RORA: variants seen among roughly 807,000 people sequenced by gnomAD.
RORA encodes the protein RAR related orphan receptor A, also known as nuclear receptor ROR-alpha.
In RORA, 7 loss-of-function variants were observed where a neutral mutation model predicts 69.5. That is an observed-to-expected ratio of 0.10 (90% CI 0.06 to 0.19). RORA has a LOEUF of 0.19. Ranked by LOEUF, RORA falls within the 10% of genes least tolerant of loss-of-function variation. The pLI is 1.00. For synonymous variants in RORA, 261 were observed against 240.8 expected, an observed-to-expected ratio of 1.08 and a Z score of -0.78; for missense variants, 457 against 663.0, an observed-to-expected ratio of 0.69 and a Z score of 3.41.
chr15:61,163,211 T>C (rs962072167), intron 1 of RORA, among the ~76,000 whole-genome samples: 6 of 152,166 alleles, frequency 3.9e-5, no homozygotes, highest in Non-Finnish European at 7.4e-5. Context: ...TACTTTAGTA[T>C]CAATATGCCA....
At chr15:60,837,362 G>C (rs181052055) in intron 1 of RORA, among the ~76,000 whole-genome samples, 2 of 152,350 alleles carry the variant, frequency 1.3e-5, no homozygotes, top group Admixed American at 6.5e-5. Flanking sequence ...GATGTGAAAT[G>C]AAGCTTGGCG....
Position 61,060,905 on chromosome 15 carries a change from G to A in RORA, c.166+168148C>T, listed in dbSNP as rs570287438. On this transcript the variant is annotated intron_variant, in intron 1 of 10. Coordinates refer to ENST00000335670, the MANE Select transcript of RORA (RefSeq NM_134261.3). ...AGTTTACGAATTTGCACTGGGCCAC[G>A]TTCAAAGCCATCCTGGGCAGCGTGC... Among the ~76,000 whole-genome samples the A allele has an allele frequency of 9.1e-4, 139 of 152,290 alleles. 1 individual carries two copies. Among genetic ancestry groups the A allele is most frequent in the Non-Finnish European group, 1.6e-3 (110 of 68,012 alleles).
rs556312196 is a variant in RORA, at chr15:61,217,203, G to A, written c.166+11850C>T. Among the ~76,000 whole-genome samples the A allele has an allele frequency of 6.6e-5, 10 of 152,282 alleles. No individual in the cohort carries two copies. In the South Asian group the frequency reaches 1.7e-3, roughly 25 times the overall value. ...GGGCACCTATTTTATGCAAGGTATC[G>A]TGCATGGAGTAAAAACATAAACTGT... On this transcript the variant is annotated intron_variant, in intron 1 of 10. Coordinates refer to ENST00000335670, the MANE Select transcript of RORA (RefSeq NM_134261.3).
chr15:61,219,356 C>T (rs1174605603), intron 1 of RORA, among the ~76,000 whole-genome samples: 1 of 152,116 alleles, frequency 6.6e-6, no homozygotes, highest in Non-Finnish European at 1.5e-5. Flanking sequence ...GGGAGGATCA[C>T]GAGGTCAGGA....
intron 1 of RORA, among the ~76,000 whole-genome samples, chr15:60,939,630 T>A (rs749663616): frequency 3.3e-5 from 5 of 152,318 alleles, no homozygotes; most frequent in Admixed American, 6.5e-5. Context: ...CAGTCACCAC[T>A]CCCCTTCACA....
At position 61,128,925 on chromosome 15, in the gene RORA, T is replaced by G. The variant is rs1332144814; in HGVS notation, c.166+100128A>C. Reference sequence around the variant, plus strand: ...AAGAGACACTGGCCGTGGCACCACGTGCCTGCCTTGGGCCCACTCCCTTCT... The same window carrying G: ...AAGAGACACTGGCCGTGGCACCACGGGCCTGCCTTGGGCCCACTCCCTTCT... On this transcript the variant is annotated intron_variant, in intron 1 of 10. Transcript: ENST00000335670. The surrounding 1 kb of genome is among the most constrained non-coding windows in gnomAD (Gnocchi z 4.5). 6.6e-6 allele frequency among the ~76,000 whole-genome samples: 1 copy of G among 152,230 alleles called. No individual in the cohort carries two copies. The highest frequency in any genetic ancestry group is 1.5e-5 in the Non-Finnish European group (1 of 68,040).
In RORA at chr15:61,219,665, C is replaced by G. The variant is rs183929697; in HGVS notation, c.166+9388G>C. 5.3e-5 allele frequency among the ~76,000 whole-genome samples: 8 copies of G among 152,226 alleles called. No individual in the cohort carries two copies. The East Asian group carries it at 1.5e-3, about 29-fold the overall frequency. ...GACAGGAACATGAGGTAAGAAAGTA[C>G]AAGACTTGGGTTCTAGTCACAGTCT... is the stretch of plus-strand genomic sequence containing the variant. On this transcript the variant is annotated intron_variant, in intron 1 of 10. Coordinates refer to ENST00000335670, the MANE Select transcript of RORA (RefSeq NM_134261.3).
At chr15:60,662,393 T>C (rs2070316796) in intron 2 of RORA, among the ~76,000 whole-genome samples, 11 of 152,234 alleles carry the variant, frequency 7.2e-5, no homozygotes. Flanking sequence ...TGTCAAAATC[T>C]AAAAAGTAAC....
chr15:61,198,320 C>T (rs149187961), intron 1 of RORA, among the ~76,000 whole-genome samples: 6 of 152,140 alleles, frequency 3.9e-5, no homozygotes, highest in Non-Finnish European at 8.8e-5. Context: ...TCCAATCCCA[C>T]TTTAAATTTA....
chr15:60,763,589 A>T (rs2071933052), intron 1 of RORA, among the ~76,000 whole-genome samples: 1 of 152,130 alleles, frequency 6.6e-6, no homozygotes, highest in Non-Finnish European at 1.5e-5. Flanking sequence ...GTCACCAATC[A>T]TACGGATCCC....
At chr15:61,092,278 C>A (rs2140716256) in intron 1 of RORA, among the ~76,000 whole-genome samples, 1 of 152,030 alleles carries the variant, frequency 6.6e-6, no homozygotes, top group Non-Finnish European at 1.5e-5. Flanking sequence ...GCAGTATGTT[C>A]AAAAAAATGT....
chr15:60,938,925 T>C (rs1224760122), intron 1 of RORA, among the ~76,000 whole-genome samples: 2 of 152,268 alleles, frequency 1.3e-5, no homozygotes, highest in African/African-American at 2.4e-5. Context: ...CACTGGCCCA[T>C]GCCCGGCTTC....
chr15:60,982,942 C>A (rs756843441), intron 1 of RORA, among the ~76,000 whole-genome samples: 3 of 152,100 alleles, frequency 2.0e-5, no homozygotes, highest in East Asian at 1.9e-4. Context: ...TTCATAAAGG[C>A]GAGGCACCTC....
chr15:61,032,567 C>T (rs982532434), intron 1 of RORA, among the ~76,000 whole-genome samples: 2 of 152,202 alleles, frequency 1.3e-5, no homozygotes, highest in Non-Finnish European at 2.9e-5. Flanking sequence ...AGTGTAATCA[C>T]ACACCCAGGT....
At chr15:61,119,069 G>A (rs1323376302) in intron 1 of RORA, among the ~76,000 whole-genome samples, 1 of 81,948 alleles carries the variant, frequency 1.2e-5, no homozygotes, top group Non-Finnish European at 2.4e-5. Context: ...TCGGGAAGAT[G>A]CAGTTAACAG....
intron 1 of RORA, among the ~76,000 whole-genome samples, chr15:61,222,280 A>C (rs2080104984): frequency 6.6e-6 from 1 of 152,194 alleles, no homozygotes; most frequent in African/African-American, 2.4e-5. Context: ...CCACAGCGCC[A>C]TGCCACTGTT....
intron 1 of RORA, among the ~76,000 whole-genome samples, chr15:61,215,219 G>A (rs950728568): frequency 1.3e-5 from 2 of 151,894 alleles, no homozygotes; most frequent in Admixed American, 1.3e-4. Flanking sequence ...CCCACTGGGA[G>A]CAGCCATGTT....
At chr15:60,664,686 C>G (rs2070355678) in intron 2 of RORA, among the ~76,000 whole-genome samples, 1 of 152,044 alleles carries the variant, frequency 6.6e-6, no homozygotes, top group Admixed American at 6.5e-5. Context: ...GCTTTTTGAC[C>G]TTGGAAGAAG....
At chr15:60,691,174 C>T (rs1290093512) in intron 1 of RORA, among the ~76,000 whole-genome samples, 2 of 152,224 alleles carry the variant, frequency 1.3e-5, no homozygotes, top group Non-Finnish European at 2.9e-5. Flanking sequence ...AGGTCTCCTT[C>T]ACATCCATTC....
Sources: gnomAD v4.1 joint callset for allele counts (sites outside exome capture counted in the v4.1 genomes callset) on GRCh38, gnomAD v4.1.1 for gene constraint, Gnocchi (gnomAD v3.1) non-coding constraint, MANE v1.5 for transcripts, NCBI Gene and HGNC (gene_info 2026-07-23, HGNC 2026-07-21) for gene names.